Variants in MAD1L1 observed in about 807,000 individuals in gnomAD.
The protein encoded by MAD1L1 is mitotic spindle assembly checkpoint protein MAD1.
In MAD1L1, 95 loss-of-function variants were observed where a neutral mutation model predicts 96.9. That is an observed-to-expected ratio of 0.98 (90% CI 0.83 to 1.16). MAD1L1 has a LOEUF of 1.16. Among genes scored for constraint, MAD1L1 ranks in the 50% most tolerant of loss-of-function variants. The probability of loss-of-function intolerance (pLI) is 0.00; values close to 1 mark genes in which losing one functional copy is unlikely to be tolerated. For missense variants in MAD1L1, 1,007 were observed against 954.4 expected (o/e 1.06, Z -0.73); for synonymous variants, 473 against 396.6 (o/e 1.19, Z -2.29).
Position 2,146,114 on chromosome 7 carries a change from C to T in MAD1L1, c.1073+3038G>A, listed in dbSNP as rs1007236904. On this transcript the variant is annotated intron_variant, in intron 11 of 18. Transcript: ENST00000265854. This position sits in a 1 kb window ranked among gnomAD's most constrained non-coding sequence, Gnocchi z 6.2. ...ATAGGCAACATTCATCTTCTAAAAG[C>T]CAAGCTCCTGAAAACAGGCACACGA... 2.6e-5 allele frequency among the ~76,000 whole-genome samples: 4 copies of T among 152,212 alleles called. No individual in the cohort carries two copies. Among genetic ancestry groups the T allele is most frequent in the Admixed American group, 6.5e-5 (1 of 15,282 alleles).
chr7:2,182,687 G>A (rs151273869), intron 10 of MAD1L1, among the ~76,000 whole-genome samples: 8 of 152,316 alleles, frequency 5.3e-5, no homozygotes, highest in Non-Finnish European at 8.8e-5. Flanking sequence ...AGAACGTGCT[G>A]AGAGGAAAGC....
At chr7:2,095,144 G>A (rs1466214524) in intron 11 of MAD1L1, among the ~76,000 whole-genome samples, 3 of 152,048 alleles carry the variant, frequency 2.0e-5, no homozygotes, top group African/African-American at 4.8e-5. Flanking sequence ...CGGGGTTCAC[G>A]CCATTCTCCT....
At chr7:2,190,471 CTT>C (rs1284898142) in intron 10 of MAD1L1, among the ~76,000 whole-genome samples, 1 of 152,110 alleles carries the variant, frequency 6.6e-6, no homozygotes, top group African/African-American at 2.4e-5. Context: ...ATAAATCAGA[CTT>C]AGCAAAATTA....
At chr7:1,840,484 C>T (rs1197914133) in intron 18 of MAD1L1, among the ~76,000 whole-genome samples, 1 of 152,130 alleles carries the variant, frequency 6.6e-6, no homozygotes. Flanking sequence ...AATCCCAGCA[C>T]TTTGGGAGGC....
intron 12 of MAD1L1, among the ~76,000 whole-genome samples, chr7:2,046,085 G>A (rs1362833890): frequency 6.6e-6 from 1 of 152,122 alleles, no homozygotes. Flanking sequence ...GGGAGTCAAG[G>A]AGGGTCCCAT....
intron 11 of MAD1L1, among the ~76,000 whole-genome samples, chr7:2,124,840 T>A (rs1035336599): frequency 3.9e-5 from 6 of 152,152 alleles, no homozygotes; most frequent in Non-Finnish European, 7.3e-5. Flanking sequence ...CAGAGGCACC[T>A]CCGGGTGAAG....
chr7:1,862,876 C>G (rs1050381471), intron 18 of MAD1L1, among the ~76,000 whole-genome samples: 4 of 152,246 alleles, frequency 2.6e-5, no homozygotes, highest in Non-Finnish European at 4.4e-5. Flanking sequence ...GGGCTCTGGG[C>G]CCACAGCTAC....
At chr7:1,930,780 C>A (rs969385726) in intron 17 of MAD1L1, among the ~76,000 whole-genome samples, 3 of 151,976 alleles carry the variant, frequency 2.0e-5, no homozygotes, top group Non-Finnish European at 4.4e-5. Context: ...TCTCAGGCCA[C>A]GCGGCTCCCC....
chr7:1,952,615 G>A (rs994688301), intron 16 of MAD1L1, among the ~76,000 whole-genome samples: 7 of 152,222 alleles, frequency 4.6e-5, no homozygotes, highest in Non-Finnish European at 8.8e-5. Context: ...TGGGAGGGGA[G>A]GGCTGGGCTG....
intron 18 of MAD1L1, among the ~76,000 whole-genome samples, chr7:1,826,227 A>T (rs1255527745): frequency 2.0e-5 from 3 of 151,982 alleles, no homozygotes; most frequent in Non-Finnish European, 1.5e-5. Context: ...CCACGGCCCG[A>T]AGGTGATCCA....
chr7:2,129,080 G>C lies in MAD1L1; in HGVS notation c.1073+20072C>G, dbSNP rs138500799. On this transcript the variant is annotated intron_variant, in intron 11 of 18. Transcript: ENST00000265854. ...GAGGACAAAATTGGGTTTGTGGGCA[G>C]GCAGCTCTCTGATCGGAAATTCCTT... Among the ~76,000 whole-genome samples, 87 of 152,334 alleles carry C rather than the reference G, an allele frequency of 5.7e-4. 2 individuals carry two copies. The Middle Eastern group carries it at 0.048, about 83-fold the overall frequency.
chr7:1,979,060 G>C (rs925222938), intron 15 of MAD1L1, among the ~76,000 whole-genome samples: 1 of 152,242 alleles, frequency 6.6e-6, no homozygotes, highest in African/African-American at 2.4e-5. Flanking sequence ...CACACTAAAG[G>C]CAGCCCTTTT....
chr7:1,973,293 G>C (rs1466145922), intron 15 of MAD1L1, among the ~76,000 whole-genome samples: 1 of 152,180 alleles, frequency 6.6e-6, no homozygotes, highest in Non-Finnish European at 1.5e-5. Context: ...ACTGTTATTT[G>C]GCTTGTGTAC....
intron 10 of MAD1L1, among the ~76,000 whole-genome samples, chr7:2,178,907 AG>A (rs1300405355): frequency 6.6e-6 from 1 of 151,986 alleles, no homozygotes; most frequent in Non-Finnish European, 1.5e-5. Context: ...AAAAAAGAAA[AG>A]AAAAGAAAAA....
chr7:2,224,645 C>A (rs544236049), intron 4 of MAD1L1, among the ~76,000 whole-genome samples: 1 of 152,164 alleles, frequency 6.6e-6, no homozygotes, highest in African/African-American at 2.4e-5. Flanking sequence ...AGAGAGGGCA[C>A]GGAGGCCAGG....
At chr7:1,956,957 C>T (rs1398447526) in intron 16 of MAD1L1, among the ~76,000 whole-genome samples, 1 of 152,238 alleles carries the variant, frequency 6.6e-6, no homozygotes, top group Non-Finnish European at 1.5e-5. Flanking sequence ...CACCAAGGAG[C>T]AGGGTTCAGG....
chr7:2,178,628 G>A, intron 10 of MAD1L1, among the ~76,000 whole-genome samples: 1 of 152,230 alleles, frequency 6.6e-6, no homozygotes, highest in East Asian at 1.9e-4. Context: ...TGGGCACGAT[G>A]GCTCACGCCT....
At chr7:2,037,164 C>T (rs1156520350) in intron 12 of MAD1L1, among the ~76,000 whole-genome samples, 8 of 151,866 alleles carry the variant, frequency 5.3e-5, no homozygotes, top group Non-Finnish European at 7.4e-5. Flanking sequence ...CCTTCTGCCA[C>T]GTGGAAATTT....
chr7:1,988,881 C>T (rs887512054), intron 14 of MAD1L1, among the ~76,000 whole-genome samples: 1 of 152,258 alleles, frequency 6.6e-6, no homozygotes, highest in Non-Finnish European at 1.5e-5. Flanking sequence ...CCACGTGTGC[C>T]TGGCCCCTCC....
Sources: allele counts gnomAD v4.1 joint callset (sites outside exome capture counted in the v4.1 genomes callset), GRCh38; gene constraint gnomAD v4.1.1; non-coding constraint Gnocchi (gnomAD v3.1); transcripts MANE v1.5; gene names NCBI Gene and HGNC (gene_info 2026-07-23, HGNC 2026-07-21).